NPTX1: variants seen among roughly 807,000 people sequenced by gnomAD.
NPTX1 encodes the protein neuronal pentraxin-1.
Under a neutral mutation model 38.7 loss-of-function variants are expected in NPTX1, and 12 were observed. That is an observed-to-expected ratio of 0.31 (90% CI 0.20 to 0.50). NPTX1 has a LOEUF of 0.50. Among genes scored for constraint, NPTX1 ranks in the 20% least tolerant of loss-of-function variants. The probability of loss-of-function intolerance (pLI) is 0.98; values close to 1 mark genes in which losing one functional copy is unlikely to be tolerated. For missense variants in NPTX1, 454 were observed against 592.2 expected, an observed-to-expected ratio of 0.77 and a Z score of 2.42; for synonymous variants, 272 against 264.9, an observed-to-expected ratio of 1.03 and a Z score of -0.26.
In NPTX1 at chr17:80,475,928, G is replaced by T; in HGVS notation, c.444+75C>A. ...GCGAGGGCGGGGGATGCCTGGCCGG[G>T]TAGGGAACGGGGTGGGGGAGGGCAG... On this transcript the variant is annotated intron_variant, in intron 1 of 4. Coordinates refer to ENST00000306773, the MANE Select transcript of NPTX1 (RefSeq NM_002522.4). The surrounding 1 kb of genome is among the most constrained non-coding windows in gnomAD (Gnocchi z 6.5). The T allele has an allele frequency of 7.9e-7, 1 of 1,263,266 alleles. No individual in the cohort carries two copies. The highest frequency in any genetic ancestry group is 1.1e-6 in the Non-Finnish European group (1 of 906,462). 78.3% of individuals were successfully genotyped at this position (1,263,266 alleles called of 1,614,324 possible). A position where few individuals can be genotyped will look rare whatever the true frequency, so the allele number is the denominator to read the frequency against.
In NPTX1 at chr17:80,467,073, C is replaced by T. The variant is rs2083809449; in HGVS notation, c.*3740G>A. ...TGAAAAAGTGAGATACATCGATTCT[C>T]TTTCATATTATACAGTATATACATT... On this transcript the variant is annotated 3_prime_UTR_variant, in exon 5 of 5. Coordinates refer to ENST00000306773, the MANE Select transcript of NPTX1 (RefSeq NM_002522.4). The T allele has an allele frequency of 7.1e-6, 1 of 141,076 alleles. No homozygotes were observed. The allele number at this position is 141,076 out of a possible 1,614,324, so 8.7% of individuals were successfully genotyped here.
intron 3 of NPTX1, among the ~76,000 whole-genome samples, chr17:80,472,471 C>T (rs984457142): frequency 4.6e-5 from 7 of 152,186 alleles, no homozygotes; most frequent in African/African-American, 1.2e-4. Flanking sequence ...CATTCCAGGT[C>T]GGGAGGATGA....
rs1489832066 is a variant in NPTX1 at position 80,469,458 on chromosome 17, C to T, written c.*1355G>A. Reference sequence around the variant, plus strand: ...CTTGGAAGGACTAGAAGGAAATGTCCATGTTGCTTTTCACGGGGAACAAAA... The same window carrying T: ...CTTGGAAGGACTAGAAGGAAATGTCTATGTTGCTTTTCACGGGGAACAAAA... On this transcript the variant is annotated 3_prime_UTR_variant, in exon 5 of 5. Transcript: ENST00000306773. The T allele has an allele frequency of 6.6e-6, 1 of 152,300 alleles. No individual in the cohort carries two copies. The highest frequency in any genetic ancestry group is 1.5e-5 in the Non-Finnish European group (1 of 68,082). The allele number at this position is 152,300 out of a possible 1,614,324, so 9.4% of individuals were successfully genotyped here.
At position 80,468,148 on chromosome 17, in the gene NPTX1, A is replaced by C. The variant is rs1225165938; in HGVS notation, c.*2665T>G. 1.3e-5 allele frequency: 2 copies of C among 152,734 alleles called. No individual in the cohort carries two copies. The highest frequency in any genetic ancestry group is 4.8e-5 in the African/African-American group (2 of 41,432). The allele number at this position is 152,734 out of a possible 1,614,324, so 9.5% of individuals were successfully genotyped here. The stretch of plus-strand genomic sequence containing the variant: ...GATTAGATTTGCGGCTGTGTCATCG[A>C]CCTTTCTCGGGGCCAGCAAAGTGCC... On this transcript the variant is annotated 3_prime_UTR_variant, in exon 5 of 5. Coordinates refer to ENST00000306773, the MANE Select transcript of NPTX1 (RefSeq NM_002522.4).
rs1176512642 is a variant in NPTX1, at chr17:80,471,860, C to T, written c.949G>A (p.Val317Ile). Reference protein sequence around the residue: ...INDGKWHHICVTWTTRDGVWE... With the variant: ...INDGKWHHICITWTTRDGVWE... ...ACCCCGTCCCGGGTGGTCCAGGTGA[C>T]ACAGATGTGGTGCCACTTGCCATCA... The change falls in exon 4 of 5, where the codon GTC becomes ATC. Residue 317 changes from valine to isoleucine, a missense_variant. Transcript: ENST00000306773. 1 of 1,613,528 alleles carries T rather than the reference C, an allele frequency of 6.2e-7. No individual in the cohort carries two copies. Among genetic ancestry groups the T allele is most frequent in the South Asian group, 1.1e-5 (1 of 91,076 alleles).
intron 3 of NPTX1, among the ~76,000 whole-genome samples, chr17:80,472,524 G>A (rs776347042): frequency 3.9e-5 from 6 of 152,188 alleles, no homozygotes; most frequent in African/African-American, 1.4e-4. Context: ...CACCCTTTCC[G>A]CTTGGGGAAA....
rs1340963711 is a variant in NPTX1 at position 80,475,825 on chromosome 17, G to T, written c.445-107C>A. 6 of 976,520 alleles carry T rather than the reference G, an allele frequency of 6.1e-6. No individual in the cohort carries two copies. Among genetic ancestry groups the T allele is most frequent in the African/African-American group, 5.0e-5 (3 of 59,840 alleles). 60.5% of individuals were successfully genotyped at this position (976,520 alleles called of 1,614,324 possible). A position where few individuals can be genotyped will look rare whatever the true frequency, so the allele number is the denominator to read the frequency against. ...TCTGGGCGACTGCGGGGGCGGCCTGGCAGGGAGCTGGGGCGAGTGGCCGCC... is the reference window on the plus strand; with the variant it reads ...TCTGGGCGACTGCGGGGGCGGCCTGTCAGGGAGCTGGGGCGAGTGGCCGCC... On this transcript the variant is annotated intron_variant, in intron 1 of 4. Coordinates refer to ENST00000306773, the MANE Select transcript of NPTX1 (RefSeq NM_002522.4). The surrounding 1 kb of genome is among the most constrained non-coding windows in gnomAD (Gnocchi z 6.5).
intron 4 of NPTX1, 40 bp from the exon 5 acceptor site, chr17:80,471,074 A>C: frequency 2.0e-6 from 3 of 1,510,772 alleles, no homozygotes; most frequent in Non-Finnish European, 2.7e-6. Context: ...AGGGGTCGCC[A>C]GGTGGTCTGG....
Position 80,476,402 on chromosome 17 carries a change from G to C in NPTX1, c.45C>G (p.Leu15=). The C allele has an allele frequency of 6.6e-7, 1 of 1,511,326 alleles. No homozygotes were observed. Among genetic ancestry groups the C allele is most frequent in the Non-Finnish European group, 8.8e-7 (1 of 1,137,880 alleles). The allele number at this position is 1,511,326 out of a possible 1,614,324, so 93.6% of individuals were successfully genotyped here. A position where few individuals can be genotyped will look rare whatever the true frequency, so the allele number is the denominator to read the frequency against. The change falls in exon 1 of 5, where the codon CTC becomes CTG. Residue 15 remains leucine, a synonymous_variant. Transcript: ENST00000306773. This position sits in a 1 kb window ranked among gnomAD's most constrained non-coding sequence, Gnocchi z 6.3. ...CCTGGGCCCCGGCGCCCAGGAGGCA[G>C]AGGGCGAGCAGCGCACAGGTGCGCG... is the stretch of plus-strand genomic sequence containing the variant. ...RAARTCALLA[L]CLLGAGAQDF...
At chr17:80,473,513 T>TGGGGA in intron 2 of NPTX1, 69 bp from the exon 3 acceptor site, 1 of 1,527,232 alleles carries the variant, frequency 6.5e-7, no homozygotes, top group Non-Finnish European at 9.0e-7. Flanking sequence ...TTGAGTTCGG[T>TGGGGA]CCCCACCAAG....
Position 80,467,579 on chromosome 17 carries a change from C to T in NPTX1, c.*3234G>A, listed in dbSNP as rs1393370847. 6.6e-6 allele frequency: 1 copy of T among 152,496 alleles called. No individual in the cohort carries two copies. The highest frequency in any genetic ancestry group is 1.9e-4 in the East Asian group (1 of 5,202). The allele number at this position is 152,496 out of a possible 1,614,324, so 9.4% of individuals were successfully genotyped here. ...TGAACCTCATGCCAGCCTCTCCTCA[C>T]CCCCTCACTGCCCACAAGACACCCC... On this transcript the variant is annotated 3_prime_UTR_variant, in exon 5 of 5. Transcript: ENST00000306773.
chr17:80,476,400 C>T lies in NPTX1; in HGVS notation c.47G>A (p.Cys16Tyr). The change falls in exon 1 of 5, where the codon TGC becomes TAC. Residue 16 changes from cysteine (C) to tyrosine (Y), a missense_variant. Coordinates refer to ENST00000306773, the MANE Select transcript of NPTX1 (RefSeq NM_002522.4). The surrounding 1 kb of genome is among the most constrained non-coding windows in gnomAD (Gnocchi z 6.3). ...AARTCALLALCLLGAGAQDFG... is the reference protein window; with the variant it reads ...AARTCALLALYLLGAGAQDFG... ...ATCCTGGGCCCCGGCGCCCAGGAGG[C>T]AGAGGGCGAGCAGCGCACAGGTGCG... 1 of 1,511,442 alleles carries T rather than the reference C, an allele frequency of 6.6e-7. No individual in the cohort carries two copies. The highest frequency in any genetic ancestry group is 8.8e-7 in the Non-Finnish European group (1 of 1,137,854). 93.6% of individuals were successfully genotyped at this position (1,511,442 alleles called of 1,614,324 possible). A position where few individuals can be genotyped will look rare whatever the true frequency, so the allele number is the denominator to read the frequency against.
Position 80,476,294 on chromosome 17 carries a change from G to C in NPTX1, c.153C>G (p.Ala51=), listed in dbSNP as rs777101512. 3.2e-6 allele frequency: 5 copies of C among 1,558,768 alleles called. No homozygotes were observed. The East Asian group carries it at 9.5e-5, about 30-fold the overall frequency. The part of the protein sequence containing the change: ...MCAASVAAGG[A]EELRSSVLQL... ...GCAGCACGCTGCTCCGGAGCTCCTC[G>C]GCGCCGCCGGCGGCCACGGACGCGG... The change falls in exon 1 of 5, where the codon GCC becomes GCG. Residue 51 remains alanine (A), a synonymous_variant. Transcript: ENST00000306773. The surrounding 1 kb of genome is among the most constrained non-coding windows in gnomAD (Gnocchi z 6.3).
chr17:80,470,224 G>A lies in NPTX1; in HGVS notation c.*589C>T, dbSNP rs1167880532. ...TTCTATTACAAAATAAAAATTCTCT[G>A]TAGAGAGCCCCCGCCCCCGGCCTTT... On this transcript the variant is annotated 3_prime_UTR_variant, in exon 5 of 5. Coordinates refer to ENST00000306773, the MANE Select transcript of NPTX1 (RefSeq NM_002522.4). The A allele has an allele frequency of 6.6e-6, 1 of 152,272 alleles. No individual in the cohort carries two copies. Among genetic ancestry groups the A allele is most frequent in the Non-Finnish European group, 1.5e-5 (1 of 68,114 alleles). 9.4% of individuals were successfully genotyped at this position (152,272 alleles called of 1,614,324 possible). A position where few individuals can be genotyped will look rare whatever the true frequency, so the allele number is the denominator to read the frequency against.
rs1246259874 is a variant in NPTX1, at chr17:80,467,290, CTG to C, written c.*3521_*3522del. On this transcript the variant is annotated 3_prime_UTR_variant, in exon 5 of 5. Coordinates refer to ENST00000306773, the MANE Select transcript of NPTX1 (RefSeq NM_002522.4). Reference sequence around the variant, plus strand: ...ATCGTTAGTTGAATAAATTTACACACTGTGTTTAAGAGATGAAACCACGACTT... The same window carrying C: ...ATCGTTAGTTGAATAAATTTACACACTGTTTAAGAGATGAAACCACGACTT... 6.6e-6 allele frequency: 1 copy of C among 152,512 alleles called. No homozygotes were observed. Among genetic ancestry groups the C allele is most frequent in the Non-Finnish European group, 1.5e-5 (1 of 68,034 alleles). 9.4% of individuals were successfully genotyped at this position (152,512 alleles called of 1,614,324 possible).
At chr17:80,471,073 C>T (rs758877317) in intron 4 of NPTX1, 39 bp from the exon 5 acceptor site, 2 of 1,511,924 alleles carry the variant, frequency 1.3e-6, no homozygotes, top group East Asian at 4.6e-5. Flanking sequence ...GAGGGGTCGC[C>T]AGGTGGTCTG....
chr17:80,473,106 A>T (rs377655571), intron 3 of NPTX1, 94 bp downstream of exon 3: 5 of 1,490,398 alleles, frequency 3.4e-6, no homozygotes, highest in Admixed American at 3.9e-5. Flanking sequence ...CCCCATCAAC[A>T]TCTGAGGCCA....
intron 3 of NPTX1, among the ~76,000 whole-genome samples, chr17:80,472,426 C>T (rs1165202106): frequency 1.3e-5 from 2 of 152,228 alleles, no homozygotes; most frequent in Non-Finnish European, 2.9e-5. Context: ...AAAGCTCAGA[C>T]CAGCCTCCAA....
rs578238665 is a variant in NPTX1, at chr17:80,469,562, G to A, written c.*1251C>T. 1.3e-5 allele frequency: 2 copies of A among 152,458 alleles called. No individual in the cohort carries two copies. The highest frequency in any genetic ancestry group is 2.1e-4 in the South Asian group (1 of 4,834). 9.4% of individuals were successfully genotyped at this position (152,458 alleles called of 1,614,324 possible). ...CAGCTTGTGGGCTGCTGTAGGCCGT[G>A]AGCCCCATGAGATGGAGGAGTGGGT... On this transcript the variant is annotated 3_prime_UTR_variant, in exon 5 of 5. Coordinates refer to ENST00000306773, the MANE Select transcript of NPTX1 (RefSeq NM_002522.4).
Sources: allele counts gnomAD v4.1 joint callset (sites outside exome capture counted in the v4.1 genomes callset), GRCh38; gene constraint gnomAD v4.1.1; non-coding constraint Gnocchi (gnomAD v3.1); transcripts MANE v1.5; gene names NCBI Gene and HGNC (gene_info 2026-07-23, HGNC 2026-07-21).